Variants in ACER2 observed in about 807,000 individuals in gnomAD.
ACER2 encodes alkCDase 2.
ACER2 carries 26 observed loss-of-function variants against 34.7 expected under a neutral mutation model. That is an observed-to-expected ratio of 0.75 (90% CI 0.55 to 1.04). The LOEUF (loss-of-function observed/expected upper bound fraction) is 1.04, where lower values mean the gene tolerates loss of function less well. Ranked by LOEUF, ACER2 falls within the 50% of genes least tolerant of loss-of-function variation. ACER2 has a pLI of 0.00. For missense variants in ACER2, 352 were observed against 340.8 expected, an observed-to-expected ratio of 1.03 and a Z score of -0.26; for synonymous variants, 138 against 132.1, an observed-to-expected ratio of 1.04 and a Z score of -0.31.
intron 3 of ACER2, among the ~76,000 whole-genome samples, chr9:19,432,863 G>A (rs1830801219): frequency 2.0e-5 from 3 of 151,124 alleles, no homozygotes; most frequent in Non-Finnish European, 2.9e-5. Flanking sequence ...CAAAGTGCTA[G>A]GATTACAGGT....
chr9:19,421,071 C>G (rs1391816098), intron 1 of ACER2, among the ~76,000 whole-genome samples: 3 of 152,170 alleles, frequency 2.0e-5, no homozygotes, highest in African/African-American at 7.2e-5. Context: ...GGCTATAAAC[C>G]TGTACAACCT....
intron 5 of ACER2, among the ~76,000 whole-genome samples, chr9:19,446,984 A>C (rs1831389150): frequency 6.6e-6 from 1 of 152,110 alleles, no homozygotes; most frequent in South Asian, 2.1e-4. Flanking sequence ...GTAATAGCAC[A>C]TTGGAGCGTC....
At chr9:19,446,098 C>A in intron 4 of ACER2, 183 bp from the exon 5 acceptor site, 1 of 904,632 alleles carries the variant, frequency 1.1e-6, no homozygotes, top group Non-Finnish European at 1.8e-6. Flanking sequence ...TGTCTGTGAG[C>A]CATCTGTGTA....
intron 3 of ACER2, among the ~76,000 whole-genome samples, chr9:19,425,253 C>G (rs1162709824): frequency 6.6e-6 from 1 of 152,208 alleles, no homozygotes; most frequent in Non-Finnish European, 1.5e-5. Context: ...TGAACTGGTT[C>G]TTGGAGCTAC....
chr9:19,437,837 C>T (rs539327203), intron 4 of ACER2, among the ~76,000 whole-genome samples: 1 of 152,186 alleles, frequency 6.6e-6, no homozygotes, highest in Non-Finnish European at 1.5e-5. Context: ...TGTAATTGCC[C>T]TCTTCCTAAA....
At chr9:19,427,840 G>C (rs923787807) in intron 3 of ACER2, among the ~76,000 whole-genome samples, 1 of 151,398 alleles carries the variant, frequency 6.6e-6, no homozygotes, top group Non-Finnish European at 1.5e-5. Context: ...CTAATTTTTT[G>C]TATTTTTAGT....
intron 1 of ACER2, among the ~76,000 whole-genome samples, chr9:19,420,103 A>C (rs1179333647): frequency 6.6e-6 from 1 of 152,160 alleles, no homozygotes; most frequent in Non-Finnish European, 1.5e-5. Context: ...GTTGTGTACC[A>C]GTGTGGTTTC....
chr9:19,439,685 C>G (rs1030541138), intron 4 of ACER2, among the ~76,000 whole-genome samples: 5 of 152,130 alleles, frequency 3.3e-5, no homozygotes, highest in Non-Finnish European at 7.4e-5. Context: ...AAAGCTCCAT[C>G]GGCTGGGCTT....
In ACER2 at chr9:19,424,859, A is replaced by G. The variant is rs780720235; in HGVS notation, c.365+18A>G. 7 of 1,613,890 alleles carry G rather than the reference A, an allele frequency of 4.3e-6. No homozygotes were observed. The highest frequency in any genetic ancestry group is 3.3e-5 in the South Asian group (3 of 91,042). On this transcript the variant is annotated intron_variant, in intron 3 of 5. Coordinates refer to ENST00000340967, the MANE Select transcript of ACER2 (RefSeq NM_001010887.3). Reference sequence around the variant, plus strand: ...AATGACCGGTAAGCTTGCACTAAACATTATTGCATTTACCACTAGGTGCAG... The same window carrying G: ...AATGACCGGTAAGCTTGCACTAAACGTTATTGCATTTACCACTAGGTGCAG...
chr9:19,411,548 G>A (rs751979799), intron 1 of ACER2, among the ~76,000 whole-genome samples: 4 of 151,128 alleles, frequency 2.6e-5, no homozygotes, highest in Non-Finnish European at 5.9e-5. Flanking sequence ...CTTCCCCTGT[G>A]TTCTTACGTA....
intron 1 of ACER2, among the ~76,000 whole-genome samples, chr9:19,419,423 C>T (rs1342507526): frequency 6.6e-6 from 1 of 152,140 alleles, no homozygotes; most frequent in Non-Finnish European, 1.5e-5. Flanking sequence ...GGTCACTAGT[C>T]GCACATAGCA....
At chr9:19,439,444 A>G (rs10811185) in intron 4 of ACER2, among the ~76,000 whole-genome samples, 54,004 of 151,456 alleles carry the variant, frequency 0.36, 10,145 homozygotes, top group African/African-American at 0.43. Flanking sequence ...GGTTCAAGCA[A>G]TTCTCCTGCT....
At chr9:19,450,391 A>T in intron 5 of ACER2, 59 bp from the exon 6 acceptor site, 4 of 1,478,942 alleles carry the variant, frequency 2.7e-6, no homozygotes, top group South Asian at 3.0e-5. Flanking sequence ...AGCAGGCTAA[A>T]CTCAGGGCAG....
rs1468154225 is a variant in ACER2 at position 19,409,184 on chromosome 9, T to C, written c.100T>C (p.Tyr34His). The C allele has an allele frequency of 1.3e-6, 2 of 1,591,588 alleles. No individual in the cohort carries two copies. The highest frequency in any genetic ancestry group is 1.3e-5 in the African/African-American group (1 of 74,394). The change falls in exon 1 of 6, where the codon TAC becomes CAC. Residue 34 changes from tyrosine to histidine, a missense_variant. By Grantham distance (83) the Tyr-to-His change is moderately conservative. Transcript: ENST00000340967. ...CATCGTGCCTGCTATCGCCGAGTTC[T>C]ACAACACGGTGCGGGGCGCGGGAGC... is the stretch of plus-strand genomic sequence containing the variant. Reference protein sequence around the residue: ...YTIVPAIAEFYNTISNVLFFI... With the variant: ...YTIVPAIAEFHNTISNVLFFI...
In ACER2 at chr9:19,409,157, A is replaced by G. The variant is rs767197220; in HGVS notation, c.73A>G (p.Thr25Ala). The G allele has an allele frequency of 1.9e-6, 3 of 1,604,842 alleles. No homozygotes were observed. The highest frequency in any genetic ancestry group is 1.7e-5 in the Admixed American group (1 of 58,812). The change falls in exon 1 of 6, where the codon ACC becomes GCC. Residue 25 changes from threonine to alanine, a missense_variant. By Grantham distance (58) the Thr-to-Ala change is moderately conservative. Transcript: ENST00000340967. ...GGTGGACTGGTGCGAGGACAACTAC[A>G]CCATCGTGCCTGCTATCGCCGAGTT... The part of the protein sequence containing the change: ...SEVDWCEDNY[T>A]IVPAIAEFYN...
At chr9:19,434,244 C>T (rs1234935876) in intron 3 of ACER2, among the ~76,000 whole-genome samples, 1 of 151,778 alleles carries the variant, frequency 6.6e-6, no homozygotes, top group East Asian at 1.9e-4. Flanking sequence ...TCCTCACTTC[C>T]CAGATGGAAT....
intron 1 of ACER2, among the ~76,000 whole-genome samples, chr9:19,413,276 T>G (rs1485406674): frequency 6.6e-6 from 1 of 152,200 alleles, no homozygotes; most frequent in Non-Finnish European, 1.5e-5. Context: ...CAAATTTTAT[T>G]AATTGAGTTC....
intron 5 of ACER2, among the ~76,000 whole-genome samples, chr9:19,448,504 T>C (rs940343320): frequency 6.6e-6 from 1 of 152,194 alleles, no homozygotes; most frequent in Admixed American, 6.5e-5. Flanking sequence ...TTTCTAATTT[T>C]CCACTTTTGC....
At chr9:19,427,910 C>A (rs922905024) in intron 3 of ACER2, among the ~76,000 whole-genome samples, 1 of 152,080 alleles carries the variant, frequency 6.6e-6, no homozygotes, top group Non-Finnish European at 1.5e-5. Context: ...TTGTGATCTG[C>A]CCACATTGGC....
Sources: allele counts gnomAD v4.1 joint callset (sites outside exome capture counted in the v4.1 genomes callset), GRCh38; gene constraint gnomAD v4.1.1; transcripts MANE v1.5; gene names NCBI Gene and HGNC (gene_info 2026-07-23, HGNC 2026-07-21).